The following ASXL3 variants were observed in gnomAD, a reference collection of about 807,000 sequenced individuals.
The protein encoded by ASXL3 is putative Polycomb group protein ASXL3.
ASXL3 carries 34 observed loss-of-function variants against 170.6 expected under a neutral mutation model. That is an observed-to-expected ratio of 0.20 (90% CI 0.15 to 0.27). The LOEUF (loss-of-function observed/expected upper bound fraction) is 0.27. Among genes scored for constraint, ASXL3 ranks in the 10% least tolerant of loss-of-function variants. ASXL3 has a pLI of 1.00. For synonymous variants in ASXL3, 1,002 were observed against 989.1 expected, an observed-to-expected ratio of 1.01 and a Z score of -0.24; for missense variants, 2,592 against 2,695.3, an observed-to-expected ratio of 0.96 and a Z score of 0.85.
At chr18:33,647,209 A>G (rs1288627726) in intron 4 of ASXL3, among the ~76,000 whole-genome samples, 2 of 152,090 alleles carry the variant, frequency 1.3e-5, no homozygotes, top group African/African-American at 2.4e-5. Context: ...CATTCATTTT[A>G]TTAATGGCCA....
rs182357184 is a variant in ASXL3 at position 33,745,211 on chromosome 18, G to T, written c.5363G>T (p.Gly1788Val). ...TTGCCTCTTCAAACTACCTCAGTGG[G>T]TAAAACAGCACCAGAGAGAAACGTT... ...LPLPLQTTSV[G>V]KTAPERNVEI... The change falls in exon 12 of 12, where the codon GGT (glycine) becomes GTT (valine). Residue 1788 changes from glycine (G) to valine (V), a missense_variant. By Grantham distance (109) the Gly-to-Val change is moderately radical. Around this residue, in one of 4 missense-constraint regions of ASXL3, gnomAD observed 2,246 missense variants for 2,219.6 expected, o/e 1.01. Transcript: ENST00000269197. 1 of 1,614,012 alleles carries T rather than the reference G, an allele frequency of 6.2e-7. No homozygotes were observed. The highest frequency in any genetic ancestry group is 8.5e-7 in the Non-Finnish European group (1 of 1,179,900).
intron 7 of ASXL3, among the ~76,000 whole-genome samples, chr18:33,682,162 T>C (rs2066525078): frequency 6.6e-6 from 1 of 152,210 alleles, no homozygotes; most frequent in African/African-American, 2.4e-5. Flanking sequence ...TGACAACTCT[T>C]CAGCTCCACA....
chr18:33,719,417 C>T (rs575751169), intron 8 of ASXL3, among the ~76,000 whole-genome samples: 6 of 152,104 alleles, frequency 3.9e-5, no homozygotes, highest in African/African-American at 9.6e-5. Context: ...CTTGATAAAA[C>T]GGGGACCATG....
Position 33,736,529 on chromosome 18 carries a change from T to C in ASXL3, c.1083-1958T>C, listed in dbSNP as rs77635493. Among the ~76,000 whole-genome samples, 1,295 of 152,286 alleles carry C rather than the reference T, an allele frequency of 8.5e-3. 14 individuals are homozygous for C. The highest frequency in any genetic ancestry group is 0.03 in the African/African-American group (1,248 of 41,564). On this transcript the variant is annotated intron_variant, in intron 10 of 11. Coordinates refer to ENST00000269197, the MANE Select transcript of ASXL3 (RefSeq NM_030632.3). Reference sequence around the variant, plus strand: ...CACCACCAGCCAGTTTTTAGTTGACTGACACCACGTGCCTTTTCATTGCTG... The same window carrying C: ...CACCACCAGCCAGTTTTTAGTTGACCGACACCACGTGCCTTTTCATTGCTG...
chr18:33,578,638 G>A lies in ASXL3; in HGVS notation c.7G>A (p.Asp3Asn). Reference protein sequence around the residue: MKDKRKKKDRTWA... With the variant: MKNKRKKKDRTWA... ...CCATCAATGAGATGCAAACATGAAA[G>A]ACAAGAGGAAGAAGAAGGACCGCAC... The change falls in exon 1 of 12, where the codon GAC becomes AAC. Residue 3 changes from aspartate (D) to asparagine (N), a missense_variant. Physicochemically the swap from Asp to Asn is conservative, Grantham distance 23 (BLOSUM62 1). Coordinates refer to ENST00000269197, the MANE Select transcript of ASXL3 (RefSeq NM_030632.3). 1.5e-6 allele frequency: 2 copies of A among 1,359,590 alleles called. No individual in the cohort carries two copies. Among genetic ancestry groups the A allele is most frequent in the Non-Finnish European group, 1.9e-6 (2 of 1,029,936 alleles). 84.2% of individuals were successfully genotyped at this position (1,359,590 alleles called of 1,614,324 possible).
intron 7 of ASXL3, among the ~76,000 whole-genome samples, chr18:33,673,846 T>G (rs1414898142): frequency 6.6e-6 from 1 of 152,188 alleles, no homozygotes; most frequent in African/African-American, 2.4e-5. Context: ...GCTGAAGTAT[T>G]TCCGCTGACT....
intron 2 of ASXL3, among the ~76,000 whole-genome samples, chr18:33,630,918 G>A (rs980156196): frequency 6.6e-6 from 1 of 151,636 alleles, no homozygotes; most frequent in African/African-American, 2.4e-5. Flanking sequence ...GTTTTATGTT[G>A]AGAAAGATAC....
intron 2 of ASXL3, among the ~76,000 whole-genome samples, chr18:33,617,373 C>T (rs551388217): frequency 6.6e-6 from 1 of 152,050 alleles, no homozygotes; most frequent in Non-Finnish European, 1.5e-5. Context: ...CACCCGTAAT[C>T]CCAGCTACTC....
chr18:33,634,044 CA>C (rs1305858415), intron 2 of ASXL3, among the ~76,000 whole-genome samples: 1 of 151,998 alleles, frequency 6.6e-6, no homozygotes, highest in Non-Finnish European at 1.5e-5. Flanking sequence ...TCATGGTTGA[CA>C]TTTAATAGTT....
intron 8 of ASXL3, among the ~76,000 whole-genome samples, chr18:33,696,835 G>A (rs563855765): frequency 6.6e-6 from 1 of 152,124 alleles, no homozygotes; most frequent in Non-Finnish European, 1.5e-5. Context: ...GGAAGGCTCA[G>A]CCTCAATGAT....
intron 10 of ASXL3, among the ~76,000 whole-genome samples, 198 bp downstream of exon 10, chr18:33,734,613 G>T (rs925425853): frequency 6.6e-6 from 1 of 152,050 alleles, no homozygotes; most frequent in Non-Finnish European, 1.5e-5. Context: ...ATTTTCAAGG[G>T]TTTATAACTT....
chr18:33,745,914 T>TTC lies in ASXL3; in HGVS notation c.6066_6067insTC (p.Pro2023SerfsTer58). The stretch of plus-strand genomic sequence containing the variant: ...TAGTACATCCGCCGCCGCCACCGCC[T>TTC]CCCCCTCCCCCTCCACCCTTGGCTT... On this transcript the variant is annotated frameshift_variant, in exon 12 of 12. Transcript: ENST00000269197. LOFTEE classifies it high-confidence loss of function. 1.6e-5 allele frequency: 22 copies of TTC among 1,339,434 alleles called. No homozygotes were observed. The highest frequency in any genetic ancestry group is 6.3e-5 in the South Asian group (5 of 79,262). 83.0% of individuals were successfully genotyped at this position (1,339,434 alleles called of 1,614,324 possible).
chr18:33,609,092 C>T, intron 2 of ASXL3: 3 of 981,196 alleles, frequency 3.1e-6, no homozygotes, highest in Non-Finnish European at 3.6e-6. Flanking sequence ...CTAACAGTAC[C>T]TAACAATTCT....
At chr18:33,710,816 T>G (rs190791800) in intron 8 of ASXL3, among the ~76,000 whole-genome samples, 7 of 152,292 alleles carry the variant, frequency 4.6e-5, no homozygotes, top group Non-Finnish European at 7.4e-5. Flanking sequence ...ATATGCACTT[T>G]CATTTCACTT....
At chr18:33,629,992 T>G (rs1011644493) in intron 2 of ASXL3, among the ~76,000 whole-genome samples, 7 of 152,038 alleles carry the variant, frequency 4.6e-5, no homozygotes, top group Non-Finnish European at 7.4e-5. Flanking sequence ...GTATTAATAT[T>G]GGCTTGTAGC....
At chr18:33,735,828 C>G (rs1227377050) in intron 10 of ASXL3, among the ~76,000 whole-genome samples, 2 of 152,138 alleles carry the variant, frequency 1.3e-5, no homozygotes, top group Non-Finnish European at 2.9e-5. Flanking sequence ...CTAACATCTC[C>G]TCTGTGCCAG....
intron 1 of ASXL3, among the ~76,000 whole-genome samples, chr18:33,602,578 AG>A (rs2065195470): frequency 6.6e-6 from 1 of 152,164 alleles, no homozygotes; most frequent in South Asian, 2.1e-4. Flanking sequence ...ATTAATTCTA[AG>A]TCTTTTGTAA....
At chr18:33,729,264 T>TC (rs1349951775) in intron 8 of ASXL3, among the ~76,000 whole-genome samples, 1 of 152,170 alleles carries the variant, frequency 6.6e-6, no homozygotes, top group Non-Finnish European at 1.5e-5. Context: ...ACAGAACTGT[T>TC]CCACAGGAGG....
At chr18:33,692,405 C>T (rs988453775) in intron 8 of ASXL3, among the ~76,000 whole-genome samples, 6 of 152,098 alleles carry the variant, frequency 3.9e-5, no homozygotes, top group African/African-American at 1.4e-4. Context: ...AAACCCAAGC[C>T]TTTTCTGTGT....
Sources: allele counts gnomAD v4.1 joint callset (sites outside exome capture counted in the v4.1 genomes callset), GRCh38; gene constraint gnomAD v4.1.1; regional missense constraint gnomAD v4.1.1; transcripts MANE v1.5; gene names NCBI Gene and HGNC (gene_info 2026-07-23, HGNC 2026-07-21).